The following ZBTB20 variants were observed in gnomAD, a reference collection of about 807,000 sequenced individuals.
The protein encoded by ZBTB20 is zinc finger and BTB domain-containing protein 20.
In ZBTB20, 9 loss-of-function variants were observed where a neutral mutation model predicts 56.9. The ratio of observed to expected loss-of-function variants is 0.16; its 90% CI spans 0.10 to 0.28. The LOEUF is 0.28. Ranked by LOEUF, ZBTB20 falls within the 10% of genes least tolerant of loss-of-function variation. The pLI, the probability that ZBTB20 is intolerant of heterozygous loss-of-function variation, is 1.00. For missense variants in ZBTB20, 655 were observed against 1,003.0 expected (o/e 0.65, Z 4.69); for synonymous variants, 417 against 420.7 (o/e 0.99, Z 0.11).
At chr3:114,891,962 G>A (rs1369796722) in intron 4 of ZBTB20, among the ~76,000 whole-genome samples, 3 of 151,916 alleles carry the variant, frequency 2.0e-5, no homozygotes, top group Non-Finnish European at 4.4e-5. Flanking sequence ...CAGGAGAATT[G>A]TTTGAACCCA....
intron 2 of ZBTB20, among the ~76,000 whole-genome samples, chr3:114,994,481 C>T (rs1387346890): frequency 1.3e-5 from 2 of 151,862 alleles, no homozygotes; most frequent in East Asian, 3.9e-4. Flanking sequence ...ATTTTCACAA[C>T]AAACTTAGCT....
At chr3:114,527,014 A>C (rs2047300483) in intron 6 of ZBTB20, among the ~76,000 whole-genome samples, 2 of 152,086 alleles carry the variant, frequency 1.3e-5, no homozygotes, top group Admixed American at 1.3e-4. Flanking sequence ...TGCGTGAAAA[A>C]TCTGTTTTTC....
chr3:114,718,197 C>T (rs987893775), intron 5 of ZBTB20, among the ~76,000 whole-genome samples: 2 of 152,114 alleles, frequency 1.3e-5, no homozygotes, highest in Non-Finnish European at 2.9e-5. Context: ...CCTAGATCCA[C>T]TTAATTGCTC....
At chr3:115,116,240 G>A (rs971071691) in intron 1 of ZBTB20, among the ~76,000 whole-genome samples, 2 of 151,984 alleles carry the variant, frequency 1.3e-5, no homozygotes, top group African/African-American at 4.8e-5. Context: ...AGCAATGCAT[G>A]TAAATAATGC....
Position 114,366,339 on chromosome 3 carries a change from C to T in ZBTB20, c.199+13878G>A, listed in dbSNP as rs144634434. ...TTTCCATTGTTATATTCATTCCTTT[C>T]TTGGTTACAATGTGGAGAGTTCAGA... On this transcript the variant is annotated intron_variant, in intron 10 of 11. Transcript: ENST00000675478. 1.5e-3 allele frequency among the ~76,000 whole-genome samples: 227 copies of T among 151,280 alleles called. 1 individual carries two copies. The highest frequency in any genetic ancestry group is 2.5e-3 in the Non-Finnish European group (173 of 67,876).
rs1560092138 is a variant in ZBTB20 at position 114,339,245 on chromosome 3, G to A, written c.1986C>T (p.Tyr662=). ...ACTTCTTTTTGCAGATGTAGCACTC[G>A]TAGGACTTCTCTCCCCGGTGGAGGC... ...HMRLHRGEKS[Y]ECYICKKKFS... is the part of the protein sequence containing the mutation. The change falls in exon 12 of 12, where the codon TAC becomes TAT. Residue 662 remains tyrosine, a synonymous_variant. Coordinates refer to ENST00000675478, the MANE Select transcript of ZBTB20 (RefSeq NM_001348800.3). The surrounding 1 kb of genome is among the most constrained non-coding windows in gnomAD (Gnocchi z 4.2). 6.2e-7 allele frequency: 1 copy of A among 1,614,206 alleles called. No homozygotes were observed. The highest frequency in any genetic ancestry group is 2.2e-5 in the East Asian group (1 of 44,880).
chr3:114,560,191 C>T (rs1296512237), intron 6 of ZBTB20, among the ~76,000 whole-genome samples: 1 of 151,982 alleles, frequency 6.6e-6, no homozygotes, highest in Admixed American at 6.6e-5. Flanking sequence ...GTGAATTTTG[C>T]CATGGGAAAT....
chr3:114,403,635 A>C (rs2087021326), intron 7 of ZBTB20, among the ~76,000 whole-genome samples: 1 of 151,904 alleles, frequency 6.6e-6, no homozygotes, highest in Non-Finnish European at 1.5e-5. Flanking sequence ...TTTGTACAAC[A>C]CTCAGGATAT....
chr3:114,928,828 T>C (rs1167767298), intron 3 of ZBTB20, among the ~76,000 whole-genome samples: 3 of 152,232 alleles, frequency 2.0e-5, no homozygotes, highest in Non-Finnish European at 4.4e-5. Flanking sequence ...GAACTTTAGA[T>C]CTATCTTCTT....
chr3:114,809,547 T>A (rs537872092), intron 4 of ZBTB20, among the ~76,000 whole-genome samples: 1 of 152,274 alleles, frequency 6.6e-6, no homozygotes, highest in South Asian at 2.1e-4. Context: ...ATATTGATAC[T>A]CTCTATTTAA....
chr3:114,661,823 A>G (rs1344252560), intron 6 of ZBTB20, among the ~76,000 whole-genome samples: 2 of 151,946 alleles, frequency 1.3e-5, no homozygotes, highest in Non-Finnish European at 2.9e-5. Context: ...GGCCAAAATT[A>G]TTTTCACGAG....
chr3:115,046,586 G>A (rs1418576155), intron 2 of ZBTB20, among the ~76,000 whole-genome samples: 3 of 152,130 alleles, frequency 2.0e-5, no homozygotes. Flanking sequence ...TGATATGTAT[G>A]ACTTAATAAG....
chr3:114,771,269 T>C (rs567544920), intron 5 of ZBTB20, among the ~76,000 whole-genome samples: 1 of 152,280 alleles, frequency 6.6e-6, no homozygotes, highest in Admixed American at 6.5e-5. Flanking sequence ...TAGTAGAACA[T>C]ACTTTGAGAA....
intron 10 of ZBTB20, among the ~76,000 whole-genome samples, chr3:114,368,202 A>G (rs2082627721): frequency 6.6e-6 from 1 of 152,208 alleles, no homozygotes; most frequent in South Asian, 2.1e-4. Flanking sequence ...TATGCACATG[A>G]GGAAATGGAA....
intron 5 of ZBTB20, among the ~76,000 whole-genome samples, chr3:114,697,674 G>A (rs756372555): frequency 6.6e-6 from 1 of 151,824 alleles, no homozygotes; most frequent in South Asian, 2.1e-4. Context: ...CAGAGTAGGC[G>A]GTTAGCGTTT....
rs1228191006 is a variant in ZBTB20, at chr3:115,046,888, CAA to C, written c.-507+24329_-507+24330del. Among the ~76,000 whole-genome samples, 8 of 152,148 alleles carry C rather than the reference CAA, an allele frequency of 5.3e-5. No individual in the cohort carries two copies. The South Asian group carries it at 8.3e-4, about 16-fold the overall frequency. Reference sequence around the variant, plus strand: ...TATGGGTTTTTAGTGATAAGAAAAACAAAAGTCATCAAGCATTTCTTCACATA... The same window carrying C: ...TATGGGTTTTTAGTGATAAGAAAAACAAGTCATCAAGCATTTCTTCACATA... On this transcript the variant is annotated intron_variant, in intron 2 of 11. Transcript: ENST00000675478.
At chr3:115,070,530 A>G (rs893506030) in intron 2 of ZBTB20, among the ~76,000 whole-genome samples, 1 of 152,114 alleles carries the variant, frequency 6.6e-6, no homozygotes, top group South Asian at 2.1e-4. Context: ...TATACCTACC[A>G]TTTCCTAATT....
At chr3:114,350,113 T>A (rs1346754728) in intron 11 of ZBTB20, among the ~76,000 whole-genome samples, 161 bp downstream of exon 11, 3 of 152,144 alleles carry the variant, frequency 2.0e-5, no homozygotes, top group Non-Finnish European at 4.4e-5. Context: ...GTTCTTATGA[T>A]GGGAGGAACA....
intron 6 of ZBTB20, among the ~76,000 whole-genome samples, chr3:114,608,499 CTT>C (rs889521830): frequency 6.6e-6 from 1 of 152,166 alleles, no homozygotes; most frequent in Non-Finnish European, 1.5e-5. Flanking sequence ...CTGGAGAAAA[CTT>C]TGTACAATAG....
Sources: allele counts gnomAD v4.1 joint callset (sites outside exome capture counted in the v4.1 genomes callset), GRCh38; gene constraint gnomAD v4.1.1; non-coding constraint Gnocchi (gnomAD v3.1); transcripts MANE v1.5; gene names NCBI Gene and HGNC (gene_info 2026-07-23, HGNC 2026-07-21).